Variants in RNF10 observed in about 807,000 individuals in gnomAD.
RNF10 encodes the protein E3 ubiquitin-protein ligase RNF10.
RNF10 carries 38 observed loss-of-function variants against 91.4 expected under a neutral mutation model. That is an observed-to-expected ratio of 0.42 (90% CI 0.32 to 0.54). The LOEUF (loss-of-function observed/expected upper bound fraction) is 0.54, where lower values mean the gene tolerates loss of function less well. Among genes scored for constraint, RNF10 ranks in the 20% least tolerant of loss-of-function variants. The pLI, the probability that RNF10 is intolerant of heterozygous loss-of-function variation, is 0.16. For missense variants in RNF10, 945 were observed against 1,012.0 expected (o/e 0.93, Z 0.90); for synonymous variants, 364 against 366.3 (o/e 0.99, Z 0.07).
At chr12:120,549,143 C>T (rs1235311655) in intron 2 of RNF10, among the ~76,000 whole-genome samples, 2 of 151,958 alleles carry the variant, frequency 1.3e-5, no homozygotes, top group Non-Finnish European at 2.9e-5. Flanking sequence ...CCAGTTCATC[C>T]CCAGTAACAA....
chr12:120,564,234 C>T (rs960420174), intron 10 of RNF10, among the ~76,000 whole-genome samples: 1 of 151,988 alleles, frequency 6.6e-6, no homozygotes, highest in African/African-American at 2.4e-5. Flanking sequence ...TGTTTCTTAT[C>T]CTCCTTATTG....
rs781279361 is a variant in RNF10 at position 120,577,240 on chromosome 12, G to A, written c.*574G>A. The A allele has an allele frequency of 2.9e-5, 13 of 442,608 alleles. No homozygotes were observed. Among genetic ancestry groups the A allele is most frequent in the Non-Finnish European group, 1.3e-5 (3 of 222,626 alleles). 27.4% of individuals were successfully genotyped at this position (442,608 alleles called of 1,614,324 possible). ...TGGTGCCAGCTTAATGGAGTAGGCTGTCCTTGGCACTTGCATGTGTGAAAG... is the reference window on the plus strand; with the variant it reads ...TGGTGCCAGCTTAATGGAGTAGGCTATCCTTGGCACTTGCATGTGTGAAAG... On this transcript the variant is annotated 3_prime_UTR_variant, in exon 17 of 17. Transcript: ENST00000325954.
At chr12:120,560,611 CT>C (rs1428626069) in intron 6 of RNF10, 114 bp from the exon 7 acceptor site, 4 of 946,100 alleles carry the variant, frequency 4.2e-6, no homozygotes, top group Non-Finnish European at 6.3e-6. Context: ...GGAAATCATG[CT>C]AAATTACCCC....
Position 120,534,592 on chromosome 12 carries a change from G to T in RNF10, c.-220G>T. The stretch of plus-strand genomic sequence containing the variant: ...GCCCGGCCCGGACTCCCGAGCCCCG[G>T]CCTCCTCGTCCTCGGTCGCCGCTGC... On this transcript the variant is annotated 5_prime_UTR_variant, in exon 1 of 17. Transcript: ENST00000325954. 2 of 1,110,574 alleles carry T rather than the reference G, an allele frequency of 1.8e-6. No homozygotes were observed. The highest frequency in any genetic ancestry group is 5.0e-5 in the South Asian group (2 of 40,360). 68.8% of individuals were successfully genotyped at this position (1,110,574 alleles called of 1,614,324 possible).
chr12:120,550,500 A>T (rs1464080549), intron 2 of RNF10, among the ~76,000 whole-genome samples: 4 of 152,146 alleles, frequency 2.6e-5, no homozygotes, highest in Non-Finnish European at 5.9e-5. Flanking sequence ...GATCAGAGCC[A>T]TGTGGAGATG....
At chr12:120,554,551 C>G (rs1164250922) in intron 3 of RNF10, 167 bp from the exon 4 acceptor site, 1 of 592,350 alleles carries the variant, frequency 1.7e-6, no homozygotes, top group Non-Finnish European at 3.0e-6. Context: ...TGGGTTCTTT[C>G]CAGAGCTGGA....
intron 10 of RNF10, among the ~76,000 whole-genome samples, chr12:120,564,495 T>G (rs1443734175): frequency 6.6e-6 from 1 of 152,142 alleles, no homozygotes; most frequent in African/African-American, 2.4e-5. Flanking sequence ...TATGATGATG[T>G]GCACCTGTTG....
intron 13 of RNF10, 121 bp from the exon 14 acceptor site, chr12:120,571,067 CTTT>C (rs1243524864): frequency 2.5e-5 from 13 of 530,270 alleles, no homozygotes; most frequent in Admixed American, 9.9e-5. Flanking sequence ...TCAATGTTTG[CTTT>C]TTTTTTTTTG....
At chr12:120,535,911 C>T (rs1035738037) in intron 1 of RNF10, among the ~76,000 whole-genome samples, 1 of 152,138 alleles carries the variant, frequency 6.6e-6, no homozygotes, top group African/African-American at 2.4e-5. Context: ...ATAAACTGAG[C>T]AGGTAGGATG....
chr12:120,566,968 G>T lies in RNF10; in HGVS notation c.2029G>T (p.Gly677Cys), dbSNP rs756469367. 1 of 1,602,660 alleles carries T rather than the reference G, an allele frequency of 6.2e-7. No homozygotes were observed. Among genetic ancestry groups the T allele is most frequent in the Non-Finnish European group, 8.5e-7 (1 of 1,177,220 alleles). ...LSISPLSRSP[G>C]SHADFLLTPL... Reference sequence around the variant, plus strand: ...CATTTCTCCTCTCAGCAGAAGTCCAGGTTCCCATGCAGGTAAACAGGTGAA... The same window carrying T: ...CATTTCTCCTCTCAGCAGAAGTCCATGTTCCCATGCAGGTAAACAGGTGAA... The change falls in exon 13 of 17, where the codon GGT (glycine) becomes TGT (cysteine). Residue 677 changes from glycine (G) to cysteine (C), a missense_variant. By Grantham distance (159) the Gly-to-Cys change is radical (BLOSUM62 -3). Transcript: ENST00000325954.
intron 2 of RNF10, among the ~76,000 whole-genome samples, chr12:120,551,142 A>G (rs1872988287): frequency 6.6e-6 from 1 of 151,416 alleles, no homozygotes; most frequent in African/African-American, 2.4e-5. Flanking sequence ...TGCATCACTA[A>G]GCCTGGCTAA....
intron 3 of RNF10, among the ~76,000 whole-genome samples, chr12:120,553,504 A>G (rs1439817831): frequency 6.7e-6 from 1 of 148,640 alleles, no homozygotes; most frequent in Non-Finnish European, 1.5e-5. Context: ...CCGGAGCTTC[A>G]TGCCATTCTC....
At position 120,534,724 on chromosome 12, in the gene RNF10, C is replaced by A. The variant is rs1031509757; in HGVS notation, c.-88C>A. 7.1e-6 allele frequency: 10 copies of A among 1,410,096 alleles called. No homozygotes were observed. Among genetic ancestry groups the A allele is most frequent in the Non-Finnish European group, 8.2e-6 (9 of 1,093,766 alleles). The allele number at this position is 1,410,096 out of a possible 1,614,324, so 87.3% of individuals were successfully genotyped here. A position where few individuals can be genotyped will look rare whatever the true frequency, so the allele number is the denominator to read the frequency against. On this transcript the variant is annotated 5_prime_UTR_variant, in exon 1 of 17. Coordinates refer to ENST00000325954, the MANE Select transcript of RNF10 (RefSeq NM_014868.5). ...GAAGGCCGAGAACCGCTGCCGCCGC[C>A]GACCCCCGCCGGCCCTGAACGCCAT... is the stretch of plus-strand genomic sequence containing the variant.
rs768798010 is a variant in RNF10, at chr12:120,565,507, G to A, written c.1863G>A (p.Glu621=). The A allele has an allele frequency of 1.9e-6, 3 of 1,614,002 alleles. No individual in the cohort carries two copies. The highest frequency in any genetic ancestry group is 2.5e-6 in the Non-Finnish European group (3 of 1,180,002). ...GCCGAGAGCGCAGGATTGAGATAGAGGAGAACAAGAAACAGGGCAAGTGTA... is the reference window on the plus strand; with the variant it reads ...GCCGAGAGCGCAGGATTGAGATAGAAGAGAACAAGAAACAGGGCAAGTGTA... ...ERRRERRIEI[E]ENKKQGKYPE... Residue 621 remains glutamate, a synonymous_variant, in exon 12 of 17, where the codon GAG becomes GAA. Transcript: ENST00000325954.
rs1593085314 is a variant in RNF10 at position 120,557,381 on chromosome 12, A to G, written c.745A>G (p.Ile249Val). Reference protein sequence around the residue: ...RCGHIFCWACILHYLSLSEKT... With the variant: ...RCGHIFCWACVLHYLSLSEKT... Reference sequence around the variant, plus strand: ...TGGACACATCTTCTGCTGGGCATGCATCCTGCACTATCTTTCACTGAGTGA... The same window carrying G: ...TGGACACATCTTCTGCTGGGCATGCGTCCTGCACTATCTTTCACTGAGTGA... Residue 249 changes from isoleucine to valine, a missense_variant, in exon 5 of 17, where the codon ATC becomes GTC. Physicochemically the swap from Ile to Val is conservative, Grantham distance 29. Coordinates refer to ENST00000325954, the MANE Select transcript of RNF10 (RefSeq NM_014868.5). 1.2e-6 allele frequency: 2 copies of G among 1,614,162 alleles called. No individual in the cohort carries two copies. The highest frequency in any genetic ancestry group is 2.7e-5 in the African/African-American group (2 of 75,036).
chr12:120,538,336 T>C (rs774161483), intron 1 of RNF10, among the ~76,000 whole-genome samples: 9 of 152,188 alleles, frequency 5.9e-5, no homozygotes, highest in Non-Finnish European at 1.2e-4. Flanking sequence ...CCTAGCTACA[T>C]GATTAATTTC....
chr12:120,535,059 G>A, intron 1 of RNF10, 91 bp downstream of exon 1: 4 of 1,374,560 alleles, frequency 2.9e-6, no homozygotes, highest in South Asian at 1.5e-5. Context: ...CTCGGGGACA[G>A]GCTCCACTTT....
In RNF10 at chr12:120,575,957, G is replaced by GC. The variant is rs1877333699; in HGVS notation, c.2359+8dup. ...ACTTCAGATCCCCTCTCTGGTAAGGGCAGAGGCTGGAGTGCCCAGGGTTGT... is the reference window on the plus strand; with the variant it reads ...ACTTCAGATCCCCTCTCTGGTAAGGGCCAGAGGCTGGAGTGCCCAGGGTTGT... On this transcript the variant is annotated splice_region_variant and intron_variant, in intron 16 of 16. Transcript: ENST00000325954. The GC allele has an allele frequency of 6.2e-7, 1 of 1,613,034 alleles. No individual in the cohort carries two copies. Among genetic ancestry groups the GC allele is most frequent in the Non-Finnish European group, 8.5e-7 (1 of 1,180,014 alleles).
intron 13 of RNF10, among the ~76,000 whole-genome samples, chr12:120,567,391 A>AT (rs983311367): frequency 6.6e-6 from 1 of 151,868 alleles, no homozygotes; most frequent in Non-Finnish European, 1.5e-5. Context: ...AAATTATAGT[A>AT]TTTATACTGT....
Sources: allele counts gnomAD v4.1 joint callset (sites outside exome capture counted in the v4.1 genomes callset), GRCh38; gene constraint gnomAD v4.1.1; transcripts MANE v1.5; gene names NCBI Gene and HGNC (gene_info 2026-07-23, HGNC 2026-07-21).